Variants in STXBP4 observed in about 807,000 individuals in gnomAD.
The protein encoded by STXBP4 is syntaxin binding protein 4.
A neutral mutation model predicts 76.1 loss-of-function variants in STXBP4; 55 were observed. The ratio of observed to expected loss-of-function variants is 0.72; its 90% CI spans 0.58 to 0.91. STXBP4 has a LOEUF of 0.91. Ranked by LOEUF, STXBP4 falls within the 40% of genes least tolerant of loss-of-function variation. STXBP4 has a pLI of 0.00. For missense variants in STXBP4, 618 were observed against 636.9 expected (o/e 0.97, Z 0.32); for synonymous variants, 201 against 220.2 (o/e 0.91, Z 0.77).
At chr17:55,144,800 G>A (rs2080134341) in intron 17 of STXBP4, among the ~76,000 whole-genome samples, 1 of 152,186 alleles carries the variant, frequency 6.6e-6, no homozygotes, top group South Asian at 2.1e-4. Flanking sequence ...TTTGGACTTG[G>A]AGAAACTTTA....
chr17:54,991,722 GAATT>G (rs1057425665), intron 4 of STXBP4: 15 of 150,234 alleles, frequency 1.0e-4, no homozygotes, highest in African/African-American at 3.4e-4. Context: ...TAATAATTAA[GAATT>G]AATAAAATTA....
At chr17:55,089,209 C>T (rs1392324572) in intron 16 of STXBP4, among the ~76,000 whole-genome samples, 1 of 152,066 alleles carries the variant, frequency 6.6e-6, no homozygotes, top group African/African-American at 2.4e-5. Context: ...GTTGTTGTTG[C>T]TGCTGCTGCC....
At chr17:55,055,195 G>A (rs1240350891) in intron 12 of STXBP4, among the ~76,000 whole-genome samples, 1 of 152,148 alleles carries the variant, frequency 6.6e-6, no homozygotes, top group African/African-American at 2.4e-5. Flanking sequence ...AACACGGAAA[G>A]ATGAAGCTGT....
intron 12 of STXBP4, among the ~76,000 whole-genome samples, chr17:55,070,730 A>G (rs539182243): frequency 2.7e-5 from 4 of 150,534 alleles, no homozygotes; most frequent in African/African-American, 7.3e-5. Flanking sequence ...TTTTTTATCC[A>G]TTACTCCCCT....
intron 7 of STXBP4, among the ~76,000 whole-genome samples, chr17:55,007,085 C>A (rs1462624366): frequency 6.6e-6 from 1 of 151,960 alleles, no homozygotes; most frequent in Non-Finnish European, 1.5e-5. Flanking sequence ...CTCCTGTAAT[C>A]CTGGCAGTTT....
At chr17:55,034,608 AG>A (rs2078566874) in intron 10 of STXBP4, among the ~76,000 whole-genome samples, 1 of 152,108 alleles carries the variant, frequency 6.6e-6, no homozygotes, top group African/African-American at 2.4e-5. Context: ...CACATAGAAA[AG>A]CACCTATATA....
chr17:55,033,546 G>T (rs1215573332), intron 9 of STXBP4, among the ~76,000 whole-genome samples: 1 of 152,042 alleles, frequency 6.6e-6, no homozygotes, highest in Non-Finnish European at 1.5e-5. Flanking sequence ...AAATACAGTA[G>T]CCAAAGTGGA....
intron 1 of STXBP4, among the ~76,000 whole-genome samples, chr17:54,975,233 G>C (rs1266059825): frequency 6.6e-6 from 1 of 152,170 alleles, no homozygotes; most frequent in Non-Finnish European, 1.5e-5. Context: ...CTGCCTCCCA[G>C]GTTCAAGTGA....
intron 4 of STXBP4, chr17:54,991,185 GTTA>G: frequency 3.6e-6 from 1 of 281,168 alleles, no homozygotes; most frequent in Non-Finnish European, 6.3e-6. Context: ...GTAAGATAAG[GTTA>G]TTATTTTTAA....
downstream of STXBP4, among the ~76,000 whole-genome samples, chr17:55,175,771 T>C (rs2080427872): frequency 6.6e-6 from 1 of 152,184 alleles, no homozygotes; most frequent in Non-Finnish European, 1.5e-5. Flanking sequence ...TATTGGAATA[T>C]AGTGTCAAAG....
intron 12 of STXBP4, among the ~76,000 whole-genome samples, chr17:55,062,602 A>C (rs1598278021): frequency 6.6e-6 from 1 of 152,106 alleles, no homozygotes; most frequent in Non-Finnish European, 1.5e-5. Context: ...ATAATCCTTT[A>C]GGTATATAAC....
At chr17:55,117,989 A>G (rs978130875) in intron 16 of STXBP4, among the ~76,000 whole-genome samples, 13 of 151,986 alleles carry the variant, frequency 8.6e-5, no homozygotes, top group African/African-American at 2.7e-4. Flanking sequence ...GTAATTACAT[A>G]TAGTGGTAAG....
chr17:55,176,566 T>TCCCCTAAGAGTAAGTCCCCCTTAGGGACA (rs1294682927), downstream of STXBP4, among the ~76,000 whole-genome samples: 7 of 152,094 alleles, frequency 4.6e-5, no homozygotes, highest in Admixed American at 1.3e-4. Context: ...ATCTGGACAT[T>TCCCCTAAGAGTAAGTCCCCCTTAGGGACA]CCCCTAAGAG....
chr17:55,127,606 C>G (rs1253058453), intron 16 of STXBP4, among the ~76,000 whole-genome samples: 3 of 152,116 alleles, frequency 2.0e-5, no homozygotes, highest in Non-Finnish European at 4.4e-5. Context: ...AAGTTTATAA[C>G]TCTTTAATGT....
At chr17:55,159,649 A>T in intron 17 of STXBP4, 148 bp from the exon 18 acceptor site, 1 of 529,218 alleles carries the variant, frequency 1.9e-6, no homozygotes, top group Non-Finnish European at 3.3e-6. Context: ...TGTGTCTAAG[A>T]CTTATTAAAG....
At chr17:55,063,472 T>A (rs1036427029) in intron 12 of STXBP4, among the ~76,000 whole-genome samples, 1 of 152,340 alleles carries the variant, frequency 6.6e-6, no homozygotes, top group South Asian at 2.1e-4. Flanking sequence ...GGTTCCATAC[T>A]ATGAGCCACT....
intron 16 of STXBP4, among the ~76,000 whole-genome samples, chr17:55,124,408 A>C (rs1466200301): frequency 2.0e-5 from 3 of 152,232 alleles, no homozygotes; most frequent in Non-Finnish European, 4.4e-5. Flanking sequence ...ATTTATTAAT[A>C]GTTATATATA....
intron 8 of STXBP4, among the ~76,000 whole-genome samples, chr17:55,011,315 A>G (rs1160308359): frequency 6.6e-6 from 1 of 151,916 alleles, no homozygotes; most frequent in Non-Finnish European, 1.5e-5. Context: ...ATACAGTTTA[A>G]AGAATAATAA....
chr17:55,158,202 G>T (rs1271799436), intron 17 of STXBP4, among the ~76,000 whole-genome samples: 1 of 152,102 alleles, frequency 6.6e-6, no homozygotes, highest in African/African-American at 2.4e-5. Context: ...CAGTAACTGG[G>T]ATTACAGGCA....
Sources: allele counts gnomAD v4.1 joint callset (sites outside exome capture counted in the v4.1 genomes callset), GRCh38; gene constraint gnomAD v4.1.1; transcripts MANE v1.5; gene names NCBI Gene and HGNC (gene_info 2026-07-23, HGNC 2026-07-21).